The following AP2A2 variants were observed in gnomAD, a reference collection of about 807,000 sequenced individuals.
The protein encoded by AP2A2 is AP-2 complex subunit alpha-2.
A neutral mutation model predicts 104.2 loss-of-function variants in AP2A2; 32 were observed. That is an observed-to-expected ratio of 0.31 (90% CI 0.23 to 0.41). The LOEUF is 0.41. AP2A2 is among the 10% of genes least tolerant of loss of function. AP2A2 has a pLI of 1.00. For missense variants in AP2A2, 912 were observed against 1,261.0 expected (o/e 0.72, Z 4.19); for synonymous variants, 539 against 533.3 (o/e 1.01, Z -0.15).
In AP2A2 at chr11:1,009,396, A is replaced by G; in HGVS notation, c.2606A>G (p.Lys869Arg). 6 of 1,612,736 alleles carry G rather than the reference A, an allele frequency of 3.7e-6. No individual in the cohort carries two copies. The highest frequency in any genetic ancestry group is 5.1e-6 in the Non-Finnish European group (6 of 1,179,172). ...ATGGACACAGAAGTCACCAAAGCCA[A>G]GGTAACACGTCTGGAGGGACGGCCC... is the stretch of plus-strand genomic sequence containing the variant. The part of the protein sequence containing the change: ...HPMDTEVTKA[K>R]IIGFGSALLE... Residue 869 changes from lysine to arginine, a missense_variant and splice_region_variant, in exon 20 of 22, where the codon AAG becomes AGG. Lys to Arg is a conservative substitution (Grantham distance 26, BLOSUM62 2). Around this residue, in one of 7 missense-constraint regions of AP2A2, gnomAD observed 239 missense variants for 329.8 expected, o/e 0.72. Coordinates refer to ENST00000448903, the MANE Select transcript of AP2A2 (RefSeq NM_012305.4).
chr11:958,021 C>T (rs901325666), intron 1 of AP2A2, among the ~76,000 whole-genome samples: 3 of 152,204 alleles, frequency 2.0e-5, no homozygotes, highest in Admixed American at 6.5e-5. Context: ...GAGTTGCCTC[C>T]GTGGCTCCAC....
At chr11:969,220 C>CTTTTTTTTTTTTTTTT (rs1190722379) in intron 2 of AP2A2, among the ~76,000 whole-genome samples, 1 of 48,040 alleles carries the variant, frequency 2.1e-5, no homozygotes, top group Admixed American at 3.3e-4. Flanking sequence ...TAGAACAGCC[C>CTTTTTTTTTTTTTTTT]TTTTTTTTTT....
chr11:1,003,391 C>G (rs550480231), intron 15 of AP2A2, among the ~76,000 whole-genome samples: 175 of 152,354 alleles, frequency 1.1e-3, no homozygotes, highest in Non-Finnish European at 1.7e-3. Context: ...TGTGGTGGGG[C>G]CAGAAGCTGT....
chr11:988,447 A>G (rs1855536482), intron 9 of AP2A2, 105 bp from the exon 10 acceptor site: 1 of 1,417,278 alleles, frequency 7.1e-7, no homozygotes, highest in African/African-American at 1.4e-5. Flanking sequence ...CATGTGAGGG[A>G]AACTCAGAGT....
At chr11:998,346 G>GCCCCCATTCTGACCCCCCA (rs1564818849) in intron 14 of AP2A2, among the ~76,000 whole-genome samples, 1 of 24,944 alleles carries the variant, frequency 4.0e-5, no homozygotes, top group African/African-American at 1.7e-4. Context: ...CTGACCCCCC[G>GCCCCCATTCTGACCCCCCA]CCCCCATTCT....
chr11:1,010,113 G>A (rs1351050663), intron 21 of AP2A2: 7 of 477,858 alleles, frequency 1.5e-5, no homozygotes, highest in South Asian at 9.0e-5. Context: ...GTGGAGCATC[G>A]TCCCACCATG....
chr11:927,439 A>G (rs887111898), intron 1 of AP2A2, among the ~76,000 whole-genome samples: 1 of 151,544 alleles, frequency 6.6e-6, no homozygotes, highest in Middle Eastern at 3.4e-3. Flanking sequence ...GGGATGGAGG[A>G]TCAGGAGGAT....
At chr11:954,723 G>A (rs896305145) in intron 1 of AP2A2, among the ~76,000 whole-genome samples, 2 of 37,628 alleles carry the variant, frequency 5.3e-5, no homozygotes, top group African/African-American at 1.6e-4. Context: ...TGTGTATTTG[G>A]TGTGTGTGTG....
chr11:946,158 A>G (rs957402605), intron 1 of AP2A2, among the ~76,000 whole-genome samples: 18 of 152,186 alleles, frequency 1.2e-4, no homozygotes, highest in Admixed American at 3.9e-4. Flanking sequence ...CGACACTCTG[A>G]GGAGCTTTTA....
intron 1 of AP2A2, among the ~76,000 whole-genome samples, chr11:936,622 G>A (rs537456243): frequency 1.3e-5 from 2 of 151,782 alleles, no homozygotes; most frequent in South Asian, 4.2e-4. Flanking sequence ...TCCTAGGCTT[G>A]AGTGATCCAC....
rs562836223 is a variant in AP2A2 at position 968,423 on chromosome 11, C to T, written c.137-1746C>T. On this transcript the variant is annotated intron_variant, in intron 2 of 21. Coordinates refer to ENST00000448903, the MANE Select transcript of AP2A2 (RefSeq NM_012305.4). The surrounding 1 kb of genome is among the most constrained non-coding windows in gnomAD (Gnocchi z 4.2). ...CTCGGAGAGAGCCTGTCTCCGTCTC[C>T]GCCCCTGTTCCCATCCCCGTCTCCA... Among the ~76,000 whole-genome samples the T allele has an allele frequency of 1.4e-4, 21 of 151,986 alleles. No individual in the cohort carries two copies. Among genetic ancestry groups the T allele is most frequent in the Non-Finnish European group, 2.2e-4 (15 of 67,968 alleles).
rs1427531835 is a variant in AP2A2, at chr11:1,008,821, A to G, written c.2421-279A>G. ...CTTTTTAAAGAAAAAACATCACACT[A>G]TTTGCACAGACTTGGAGTTCTGGGA... On this transcript the variant is annotated intron_variant, in intron 18 of 21. Transcript: ENST00000448903. The G allele has an allele frequency of 9.9e-6, 5 of 507,554 alleles. No homozygotes were observed. The East Asian group carries it at 1.6e-4, about 16-fold the overall frequency. 31.4% of individuals were successfully genotyped at this position (507,554 alleles called of 1,614,324 possible).
chr11:982,369 A>G (rs772391820), intron 6 of AP2A2, among the ~76,000 whole-genome samples: 1 of 152,178 alleles, frequency 6.6e-6, no homozygotes, highest in Non-Finnish European at 1.5e-5. Flanking sequence ...ATTTAAATCT[A>G]CATTTTCCAG....
At chr11:986,636 C>T (rs966871374) in intron 8 of AP2A2, 149 bp from the exon 9 acceptor site, 3 of 981,262 alleles carry the variant, frequency 3.1e-6, no homozygotes, top group African/African-American at 1.6e-5. Context: ...CTGGGGAGGC[C>T]CCCGAGTTCC....
chr11:942,114 G>T (rs1397975034), intron 1 of AP2A2, among the ~76,000 whole-genome samples: 3 of 152,066 alleles, frequency 2.0e-5, no homozygotes, highest in Non-Finnish European at 4.4e-5. Flanking sequence ...TTTTAGTAGA[G>T]AGGGGGGTTT....
intron 1 of AP2A2, among the ~76,000 whole-genome samples, chr11:954,974 T>G (rs932788048): frequency 3.3e-5 from 5 of 152,250 alleles, no homozygotes. Flanking sequence ...TAGTAGTATT[T>G]CCTCTTTCTC....
At chr11:985,373 A>G in intron 7 of AP2A2, 62 bp from the exon 8 acceptor site, 2 of 1,563,804 alleles carry the variant, frequency 1.3e-6, no homozygotes, top group Non-Finnish European at 1.7e-6. Flanking sequence ...TGCAGCCGGG[A>G]GGGGCAGGGT....
rs771116000 is a variant in AP2A2, at chr11:981,241, A to G, written c.647A>G (p.Gln216Arg). The G allele has an allele frequency of 3.1e-6, 5 of 1,613,706 alleles. No individual in the cohort carries two copies. The highest frequency in any genetic ancestry group is 4.2e-6 in the Non-Finnish European group (5 of 1,179,792). The change falls in exon 6 of 22, where the codon CAG becomes CGG. Residue 216 changes from glutamine to arginine, a missense_variant. Transcript: ENST00000448903. ...ACAAGTCTGATCACCACTTTAGCACAGAAGAACCCAGAAGAGTTTAAAACC... is the reference window on the plus strand; with the variant it reads ...ACAAGTCTGATCACCACTTTAGCACGGAAGAACCCAGAAGAGTTTAAAACC... ...AATSLITTLAQKNPEEFKTSV... is the reference protein window; with the variant it reads ...AATSLITTLARKNPEEFKTSV...
rs1230278053 is a variant in AP2A2, at chr11:993,296, C to T, written c.1465C>T (p.Pro489Ser). ...TTGTGCTTCGCAGGCTCTTCAGGCT[C>T]CCGCGTGCCACGAGAACCTGGTCAA... ...AKTVFEALQA[P>S]ACHENLVKVG... Residue 489 changes from proline (P) to serine (S), a missense_variant, in exon 12 of 22, where the codon CCC (proline) becomes TCC (serine). Physicochemically the swap from Pro to Ser is moderately conservative, Grantham distance 74. Coordinates refer to ENST00000448903, the MANE Select transcript of AP2A2 (RefSeq NM_012305.4). This position sits in a 1 kb window ranked among gnomAD's most constrained non-coding sequence, Gnocchi z 8.2. 1.9e-6 allele frequency: 3 copies of T among 1,609,850 alleles called. No homozygotes were observed. The highest frequency in any genetic ancestry group is 1.3e-5 in the African/African-American group (1 of 74,590).
Sources: gnomAD v4.1 joint callset for allele counts (sites outside exome capture counted in the v4.1 genomes callset) on GRCh38, gnomAD v4.1.1 for gene constraint, gnomAD v4.1.1 regional missense constraint, Gnocchi (gnomAD v3.1) non-coding constraint, MANE v1.5 for transcripts, NCBI Gene and HGNC (gene_info 2026-07-23, HGNC 2026-07-21) for gene names.